Variants in GAP43 observed in about 807,000 individuals in gnomAD.
The protein encoded by GAP43 is growth associated protein 43, also known as neuromodulin.
Under a neutral mutation model 18.6 loss-of-function variants are expected in GAP43, and 6 were observed. That is an observed-to-expected ratio of 0.32 (90% CI 0.18 to 0.64). The LOEUF (loss-of-function observed/expected upper bound fraction) is 0.64. Among genes scored for constraint, GAP43 ranks in the 30% least tolerant of loss-of-function variants. The pLI, the probability that GAP43 is intolerant of heterozygous loss-of-function variation, is 0.78. For missense variants in GAP43, 292 were observed against 295.5 expected (o/e 0.99, Z 0.09); for synonymous variants, 115 against 111.4 (o/e 1.03, Z -0.20).
chr3:115,652,911 C>T (rs917987253), intron 1 of GAP43, among the ~76,000 whole-genome samples: 6 of 152,064 alleles, frequency 3.9e-5, no homozygotes, highest in Non-Finnish European at 5.9e-5. Context: ...CAGTGGATTC[C>T]GTACAATTTT....
At chr3:115,624,545 G>C (rs1040783926) in intron 1 of GAP43, among the ~76,000 whole-genome samples, 2 of 152,122 alleles carry the variant, frequency 1.3e-5, no homozygotes, top group African/African-American at 4.8e-5. Flanking sequence ...TCAGTGACCA[G>C]AGACAGGCTA....
chr3:115,651,312 A>T lies in GAP43; in HGVS notation c.31-24701A>T, dbSNP rs746088019. ...TCAAGTCTCTCTTCCTCTTTCTCTC[A>T]CACACACACATCCATGCACACTCTG... On this transcript the variant is annotated intron_variant, in intron 1 of 2. Coordinates refer to ENST00000305124, the MANE Select transcript of GAP43 (RefSeq NM_002045.4). Among the ~76,000 whole-genome samples, 149 of 152,064 alleles carry T rather than the reference A, an allele frequency of 9.8e-4. 1 individual carries two copies. The highest frequency in any genetic ancestry group is 3.0e-3 in the Admixed American group (46 of 15,270).
At chr3:115,638,226 A>G (rs1708354305) in intron 1 of GAP43, among the ~76,000 whole-genome samples, 1 of 152,072 alleles carries the variant, frequency 6.6e-6, no homozygotes, top group Non-Finnish European at 1.5e-5. Context: ...AATCTTTGAT[A>G]GCATCCCATT....
chr3:115,670,669 A>C (rs1708805716), intron 1 of GAP43, among the ~76,000 whole-genome samples: 1 of 152,216 alleles, frequency 6.6e-6, no homozygotes, highest in Non-Finnish European at 1.5e-5. Context: ...TTGTTATGTG[A>C]CTTTCACCTC....
chr3:115,687,071 T>C (rs1709044443), intron 2 of GAP43, among the ~76,000 whole-genome samples: 2 of 150,844 alleles, frequency 1.3e-5, no homozygotes, highest in Admixed American at 1.3e-4. Context: ...TTGAGAATGA[T>C]AGGGGAAAGT....
At chr3:115,711,397 A>G (rs1709436299) in intron 2 of GAP43, among the ~76,000 whole-genome samples, 1 of 152,174 alleles carries the variant, frequency 6.6e-6, no homozygotes, top group Non-Finnish European at 1.5e-5. Context: ...CAAGCTCACA[A>G]GAATTTGAAA....
intron 1 of GAP43, among the ~76,000 whole-genome samples, chr3:115,641,949 C>A (rs921810281): frequency 6.6e-6 from 1 of 152,040 alleles, no homozygotes; most frequent in Admixed American, 6.6e-5. Context: ...TCTGAAACCC[C>A]CTGTTGAAGC....
At chr3:115,656,179 T>C (rs1708579457) in intron 1 of GAP43, among the ~76,000 whole-genome samples, 1 of 152,242 alleles carries the variant, frequency 6.6e-6, no homozygotes, top group Non-Finnish European at 1.5e-5. Flanking sequence ...TTCTAGGCCT[T>C]GTGTCTTATG....
At chr3:115,624,194 T>G (rs1307655274) in intron 1 of GAP43, among the ~76,000 whole-genome samples, 1 of 152,198 alleles carries the variant, frequency 6.6e-6, no homozygotes, top group African/African-American at 2.4e-5. Context: ...CCTTATTTCG[T>G]GCATGCATGA....
rs532886004 is a variant in GAP43 at position 115,666,133 on chromosome 3, G to T, written c.31-9880G>T. On this transcript the variant is annotated intron_variant, in intron 1 of 2. Transcript: ENST00000305124. ...AGCTCCTACACTAGGTGAAGTTTTGGGGGGTGGGTAAGTTAGAGAAGACTG... is the reference window on the plus strand; with the variant it reads ...AGCTCCTACACTAGGTGAAGTTTTGTGGGGTGGGTAAGTTAGAGAAGACTG... Among the ~76,000 whole-genome samples the T allele has an allele frequency of 2.6e-5, 4 of 152,054 alleles. No homozygotes were observed. In the South Asian group the frequency reaches 6.2e-4, roughly 24 times the overall value.
rs1045079124 is a variant in GAP43 at position 115,661,734 on chromosome 3, C to T, written c.31-14279C>T. Among the ~76,000 whole-genome samples, 10 of 151,866 alleles carry T rather than the reference C, an allele frequency of 6.6e-5. No individual in the cohort carries two copies. The East Asian group carries it at 9.7e-4, about 15-fold the overall frequency. On this transcript the variant is annotated intron_variant, in intron 1 of 2. Coordinates refer to ENST00000305124, the MANE Select transcript of GAP43 (RefSeq NM_002045.4). ...CGATCTCCTGACCTCGTGATCCACCCGCCTCGGCCTCCCAAAGTGCTGGGA... is the reference window on the plus strand; with the variant it reads ...CGATCTCCTGACCTCGTGATCCACCTGCCTCGGCCTCCCAAAGTGCTGGGA...
chr3:115,660,406 T>C (rs1200417542), intron 1 of GAP43, among the ~76,000 whole-genome samples: 1 of 152,226 alleles, frequency 6.6e-6, no homozygotes, highest in African/African-American at 2.4e-5. Flanking sequence ...ATATATACAT[T>C]TGCACACAAT....
chr3:115,672,893 G>T (rs1708832289), intron 1 of GAP43, among the ~76,000 whole-genome samples: 1 of 151,974 alleles, frequency 6.6e-6, no homozygotes, highest in African/African-American at 2.4e-5. Context: ...TAATGATGAA[G>T]TCCAGCAGTT....
intron 2 of GAP43, among the ~76,000 whole-genome samples, chr3:115,693,697 G>A (rs779533691): frequency 6.6e-6 from 1 of 150,494 alleles, no homozygotes; most frequent in Admixed American, 6.6e-5. Context: ...AGGGGTGGGG[G>A]AGTGCTGAGA....
intron 1 of GAP43, among the ~76,000 whole-genome samples, chr3:115,656,753 A>T (rs1049415008): frequency 1.3e-5 from 2 of 152,222 alleles, no homozygotes; most frequent in African/African-American, 4.8e-5. Flanking sequence ...AAATTGTTAA[A>T]CTTGAAACAT....
At chr3:115,630,269 C>T (rs1708245427) in intron 1 of GAP43, among the ~76,000 whole-genome samples, 1 of 152,128 alleles carries the variant, frequency 6.6e-6, no homozygotes, top group Admixed American at 6.6e-5. Flanking sequence ...TGTGTGTGCT[C>T]AAAAATTAAT....
At chr3:115,639,932 C>T (rs950445153) in intron 1 of GAP43, among the ~76,000 whole-genome samples, 1 of 152,026 alleles carries the variant, frequency 6.6e-6, no homozygotes, top group East Asian at 1.9e-4. Context: ...GGTCCATGAA[C>T]ATTAGGTAGC....
intron 1 of GAP43, among the ~76,000 whole-genome samples, chr3:115,669,209 G>A (rs760768043): frequency 3.4e-4 from 51 of 152,000 alleles, no homozygotes; most frequent in Non-Finnish European, 4.6e-4. Flanking sequence ...GATCAATGGC[G>A]TTTCTATAGC....
At position 115,716,767 on chromosome 3, in the gene GAP43, T is replaced by TATAC. The variant is rs1559809168; in HGVS notation, c.629-4026_629-4025insTACA. Among the ~76,000 whole-genome samples, 65 of 79,438 alleles carry TATAC rather than the reference T, an allele frequency of 8.2e-4. 2 individuals are homozygous for TATAC. The highest frequency in any genetic ancestry group is 6.8e-3 in the South Asian group (15 of 2,214). The allele number at this position is 79,438 out of a possible 152,430, so 52.1% of individuals were successfully genotyped here. On this transcript the variant is annotated intron_variant, in intron 2 of 2. Transcript: ENST00000305124. ...ATATATATATATATATATATATATA[T>TATAC]ACAGAGAGAGAGAGAGAGAGAGAGT...
Sources: gnomAD v4.1 joint callset for allele counts (sites outside exome capture counted in the v4.1 genomes callset) on GRCh38, gnomAD v4.1.1 for gene constraint, MANE v1.5 for transcripts, NCBI Gene and HGNC (gene_info 2026-07-23, HGNC 2026-07-21) for gene names.